TLL2: variants seen among roughly 807,000 people sequenced by gnomAD.
TLL2 encodes the protein tolloid-like protein 2.
TLL2 carries 106 observed loss-of-function variants against 123.0 expected under a neutral mutation model. The ratio of observed to expected loss-of-function variants is 0.86; its 90% CI spans 0.74 to 1.01. The LOEUF (loss-of-function observed/expected upper bound fraction) is 1.01. TLL2 is among the 50% of genes least tolerant of loss of function. The probability of loss-of-function intolerance (pLI) is 0.00; values close to 1 mark genes in which losing one functional copy is unlikely to be tolerated. For missense variants in TLL2, 1,332 were observed against 1,336.7 expected (o/e 1.00, Z 0.06); for synonymous variants, 494 against 516.8 (o/e 0.96, Z 0.60).
chr10:96,388,304 G>A (rs1846256598), intron 13 of TLL2, among the ~76,000 whole-genome samples: 1 of 152,158 alleles, frequency 6.6e-6, no homozygotes, highest in African/African-American at 2.4e-5. Context: ...GGGAAGCTGA[G>A]GCAGGAGAAT....
At chr10:96,423,273 G>C (rs765796420) in intron 5 of TLL2, among the ~76,000 whole-genome samples, 1 of 152,010 alleles carries the variant, frequency 6.6e-6, no homozygotes, top group Admixed American at 6.5e-5. Context: ...TTCTTGAAAA[G>C]CCAACAAAAG....
At chr10:96,478,955 G>C (rs987500596) in intron 2 of TLL2, among the ~76,000 whole-genome samples, 22 of 152,136 alleles carry the variant, frequency 1.4e-4, no homozygotes, top group African/African-American at 5.3e-4. Context: ...CATCAAAAAA[G>C]TTTTAAAACT....
intron 19 of TLL2, among the ~76,000 whole-genome samples, chr10:96,371,010 C>G (rs1009661505): frequency 6.6e-6 from 1 of 152,104 alleles, no homozygotes; most frequent in Admixed American, 6.5e-5. Flanking sequence ...GTCTTGGACA[C>G]TTAAGCCCAC....
intron 3 of TLL2, among the ~76,000 whole-genome samples, chr10:96,434,811 A>C (rs1846777289): frequency 6.6e-6 from 1 of 152,148 alleles, no homozygotes. Context: ...CCAGAAATAC[A>C]CCAGGGTTCC....
chr10:96,379,757 G>GGTT (rs1408925981), intron 16 of TLL2, among the ~76,000 whole-genome samples: 2 of 152,234 alleles, frequency 1.3e-5, no homozygotes, highest in Non-Finnish European at 2.9e-5. Context: ...GGGAGGCAGA[G>GGTT]GTTGCAGTGA....
chr10:96,478,434 C>T (rs1453165537), intron 2 of TLL2, among the ~76,000 whole-genome samples: 3 of 152,350 alleles, frequency 2.0e-5, no homozygotes, highest in Middle Eastern at 3.4e-3. Flanking sequence ...ACAGTACCTA[C>T]TAACGCTGAA....
At chr10:96,487,400 A>C (rs547448434) in intron 1 of TLL2, among the ~76,000 whole-genome samples, 1 of 149,744 alleles carries the variant, frequency 6.7e-6, no homozygotes, top group Non-Finnish European at 1.5e-5. Context: ...TTGCCCTCCC[A>C]CCCCGACACA....
At chr10:96,416,676 A>G (rs1210688531) in intron 7 of TLL2, among the ~76,000 whole-genome samples, 1 of 152,154 alleles carries the variant, frequency 6.6e-6, no homozygotes, top group Non-Finnish European at 1.5e-5. Context: ...CAGGAACAAC[A>G]TTGGCTCACA....
chr10:96,401,877 A>T (rs1280342700), intron 10 of TLL2, among the ~76,000 whole-genome samples: 1 of 152,210 alleles, frequency 6.6e-6, no homozygotes, highest in Non-Finnish European at 1.5e-5. Context: ...AAACTCAAGG[A>T]AGCCCAGTAC....
intron 3 of TLL2, among the ~76,000 whole-genome samples, chr10:96,440,140 G>A (rs539414095): frequency 1.2e-4 from 18 of 151,984 alleles, no homozygotes; most frequent in Non-Finnish European, 2.1e-4. Flanking sequence ...TGCCCTCTAC[G>A]GAAGATATTC....
At chr10:96,427,863 C>T (rs1235279125) in intron 5 of TLL2, among the ~76,000 whole-genome samples, 2 of 152,116 alleles carry the variant, frequency 1.3e-5, no homozygotes, top group Non-Finnish European at 2.9e-5. Flanking sequence ...GGCGGGATCT[C>T]GGCTCACTGC....
At position 96,379,054 on chromosome 10, in the gene TLL2, G is replaced by A; in HGVS notation, c.2233C>T (p.His745Tyr). 1.2e-6 allele frequency: 2 copies of A among 1,614,180 alleles called. No homozygotes were observed. The highest frequency in any genetic ancestry group is 1.6e-4 in the Middle Eastern group (1 of 6,062). The change falls in exon 17 of 21, where the codon CAT becomes TAT. Residue 745 changes from histidine to tyrosine, a missense_variant. By Grantham distance (83) the His-to-Tyr change is moderately conservative. Transcript: ENST00000357947. ...ECAKDNGGCQ[H>Y]ECVNTFGSYL... ...CTCCCGAAGGTGTTGACGCACTCAT[G>A]CTGACACCCGCCGTTGTCCTTGGCA...
At chr10:96,480,078 G>A (rs1847296862) in intron 2 of TLL2, among the ~76,000 whole-genome samples, 3 of 152,170 alleles carry the variant, frequency 2.0e-5, no homozygotes, top group Non-Finnish European at 2.9e-5. Context: ...GCTGAACCCC[G>A]AGGCCAGAGT....
intron 2 of TLL2, among the ~76,000 whole-genome samples, chr10:96,469,372 T>C (rs1227458952): frequency 6.6e-6 from 1 of 152,238 alleles, no homozygotes; most frequent in East Asian, 1.9e-4. Flanking sequence ...AACCAGTCGC[T>C]CTTGCCTTGT....
intron 2 of TLL2, among the ~76,000 whole-genome samples, chr10:96,465,641 C>T (rs1847122364): frequency 6.6e-6 from 1 of 152,240 alleles, no homozygotes; most frequent in South Asian, 2.1e-4. Context: ...CAGCCTTGAC[C>T]AATGTCAGGG....
At chr10:96,449,204 C>G (rs1052776297) in intron 2 of TLL2, among the ~76,000 whole-genome samples, 5 of 152,162 alleles carry the variant, frequency 3.3e-5, no homozygotes, top group African/African-American at 1.2e-4. Flanking sequence ...AAATGACTTG[C>G]TTGTCTTGAG....
At chr10:96,443,859 A>C (rs1846871591) in intron 3 of TLL2, among the ~76,000 whole-genome samples, 1 of 152,240 alleles carries the variant, frequency 6.6e-6, no homozygotes, top group Non-Finnish European at 1.5e-5. Context: ...AAAAACGCGG[A>C]TCTGAAAGCA....
At chr10:96,389,006 A>C (rs1350999486) in intron 13 of TLL2, among the ~76,000 whole-genome samples, 6 of 152,138 alleles carry the variant, frequency 3.9e-5, no homozygotes, top group African/African-American at 1.5e-4. Context: ...AGTATGCTAA[A>C]ATAGTAACAA....
intron 17 of TLL2, 93 bp downstream of exon 17, chr10:96,378,874 C>G (rs942880113): frequency 6.6e-7 from 1 of 1,523,398 alleles, no homozygotes; most frequent in African/African-American, 1.4e-5. Flanking sequence ...AAGAGGTCCT[C>G]GCCGCACCTC....
Sources: allele counts gnomAD v4.1 joint callset (sites outside exome capture counted in the v4.1 genomes callset), GRCh38; gene constraint gnomAD v4.1.1; transcripts MANE v1.5; gene names NCBI Gene and HGNC (gene_info 2026-07-23, HGNC 2026-07-21).